Variants in MAMDC2 observed in about 807,000 individuals in gnomAD.
MAMDC2 encodes MAM domain containing 2.
A neutral mutation model predicts 89.8 loss-of-function variants in MAMDC2; 57 were observed. That is an observed-to-expected ratio of 0.63 (90% CI 0.51 to 0.79). The LOEUF is 0.79. MAMDC2 is among the 30% of genes least tolerant of loss of function. MAMDC2 has a pLI of 0.00. For missense variants in MAMDC2, 800 were observed against 820.6 expected (o/e 0.97, Z 0.31); for synonymous variants, 313 against 293.4 (o/e 1.07, Z -0.68).
intron 2 of MAMDC2, among the ~76,000 whole-genome samples, chr9:70,068,599 C>T (rs2118070044): frequency 6.6e-6 from 1 of 151,888 alleles, no homozygotes; most frequent in South Asian, 2.1e-4. Context: ...TGGTGGCAGG[C>T]ACCTGTAATC....
intron 2 of MAMDC2, among the ~76,000 whole-genome samples, chr9:70,061,236 AC>A (rs1827143387): frequency 6.6e-6 from 1 of 152,090 alleles, no homozygotes; most frequent in African/African-American, 2.4e-5. Context: ...TCACACAACC[AC>A]CCTCTGAGGT....
chr9:70,156,934 A>G (rs1053759021), intron 9 of MAMDC2, among the ~76,000 whole-genome samples: 4 of 152,198 alleles, frequency 2.6e-5, no homozygotes, highest in African/African-American at 9.6e-5. Flanking sequence ...TTGCTGACAC[A>G]TACTTTACAC....
At chr9:70,190,918 T>C (rs894163695) in intron 11 of MAMDC2, among the ~76,000 whole-genome samples, 1 of 152,168 alleles carries the variant, frequency 6.6e-6, no homozygotes, top group Admixed American at 6.6e-5. Flanking sequence ...ATGGGGCTTT[T>C]AGGGAGCTCC....
chr9:70,184,585 AT>A (rs996268844), intron 11 of MAMDC2, among the ~76,000 whole-genome samples: 3 of 149,244 alleles, frequency 2.0e-5, no homozygotes, highest in Non-Finnish European at 4.5e-5. Context: ...CATCTTTTTC[AT>A]TTTTTTTCTC....
chr9:70,210,167 T>C (rs897763476), intron 11 of MAMDC2, among the ~76,000 whole-genome samples: 8 of 152,320 alleles, frequency 5.3e-5, no homozygotes, highest in Admixed American at 1.3e-4. Flanking sequence ...GGTGCAGAGA[T>C]GAGTTCAATT....
chr9:70,149,232 A>T (rs2031509582), intron 9 of MAMDC2, among the ~76,000 whole-genome samples: 1 of 151,112 alleles, frequency 6.6e-6, no homozygotes, highest in Non-Finnish European at 1.5e-5. Context: ...AAAAGAAATT[A>T]TAAAGCTGTG....
intron 2 of MAMDC2, among the ~76,000 whole-genome samples, chr9:70,088,022 C>T (rs1382434478): frequency 6.6e-6 from 1 of 152,090 alleles, no homozygotes; most frequent in Non-Finnish European, 1.5e-5. Context: ...GTAGAAACAT[C>T]TAGAAGTCTT....
intron 11 of MAMDC2, 127 bp from the exon 12 acceptor site, chr9:70,218,210 T>C: frequency 9.6e-7 from 1 of 1,041,986 alleles, no homozygotes. Flanking sequence ...TTCTTCAAAA[T>C]TATAAAACCC....
At chr9:70,066,158 C>T (rs1381471414) in intron 2 of MAMDC2, among the ~76,000 whole-genome samples, 1 of 152,096 alleles carries the variant, frequency 6.6e-6, no homozygotes, top group African/African-American at 2.4e-5. Context: ...TCAGAAAGAC[C>T]TCTGTCACAG....
intron 2 of MAMDC2, among the ~76,000 whole-genome samples, chr9:70,063,762 A>G (rs1827202232): frequency 6.6e-6 from 1 of 152,156 alleles, no homozygotes; most frequent in Admixed American, 6.5e-5. Context: ...AATCTGTTGA[A>G]CAGATTACAA....
chr9:70,178,581 C>T (rs1394298928), intron 11 of MAMDC2, among the ~76,000 whole-genome samples: 1 of 152,180 alleles, frequency 6.6e-6, no homozygotes, highest in African/African-American at 2.4e-5. Flanking sequence ...AAAACATTCA[C>T]TTATTTGTTA....
At chr9:70,200,327 G>C (rs1196323823) in intron 11 of MAMDC2, among the ~76,000 whole-genome samples, 4 of 146,444 alleles carry the variant, frequency 2.7e-5, no homozygotes, top group African/African-American at 1.0e-4. Context: ...CCCATTGCTT[G>C]TTTTTCTCAG....
At chr9:70,140,121 T>G in intron 7 of MAMDC2, 24 bp from the exon 8 acceptor site, 1 of 1,543,110 alleles carries the variant, frequency 6.5e-7, no homozygotes, top group Non-Finnish European at 8.7e-7. Flanking sequence ...GGACTGTCAT[T>G]AACTTTGCTT....
intron 11 of MAMDC2, among the ~76,000 whole-genome samples, chr9:70,193,025 G>A (rs2032914074): frequency 6.6e-6 from 1 of 151,918 alleles, no homozygotes; most frequent in Admixed American, 6.6e-5. Context: ...GAGGGTGGGG[G>A]GTTCTTGCTA....
At chr9:70,171,074 G>A (rs753140016) in intron 11 of MAMDC2, 3 of 163,352 alleles carry the variant, frequency 1.8e-5, no homozygotes, top group Non-Finnish European at 2.6e-5. Flanking sequence ...CAGTCCACGT[G>A]GGTGGGCTAT....
At chr9:70,136,406 T>C (rs1385707300) in intron 7 of MAMDC2, among the ~76,000 whole-genome samples, 4 of 152,190 alleles carry the variant, frequency 2.6e-5, no homozygotes, top group Non-Finnish European at 1.5e-5. Flanking sequence ...TATTTAGTTG[T>C]CTGGATGTAC....
At chr9:70,214,321 T>C (rs1367478404) in intron 11 of MAMDC2, among the ~76,000 whole-genome samples, 2 of 152,128 alleles carry the variant, frequency 1.3e-5, no homozygotes, top group African/African-American at 4.8e-5. Flanking sequence ...GAGTGAGACC[T>C]GAGAATATCT....
rs1198746887 is a variant in MAMDC2, at chr9:70,108,251, G to T, written c.189G>T (p.Gly63=). ...IYVDTSFGKQ[G]EKAVLLSPDL... Reference sequence around the variant, plus strand: ...TGGATACCTCCTTTGGCAAGCAGGGGGAGAAAGCTGTGCTGCTAAGTCCTG... The same window carrying T: ...TGGATACCTCCTTTGGCAAGCAGGGTGAGAAAGCTGTGCTGCTAAGTCCTG... Residue 63 remains glycine, a synonymous_variant, in exon 3 of 14, where the codon GGG becomes GGT. Transcript: ENST00000377182. 5 of 1,611,786 alleles carry T rather than the reference G, an allele frequency of 3.1e-6. No homozygotes were observed. Among genetic ancestry groups the T allele is most frequent in the South Asian group, 1.1e-5 (1 of 90,514 alleles).
intron 2 of MAMDC2, among the ~76,000 whole-genome samples, chr9:70,051,055 G>T (rs1204831914): frequency 6.6e-6 from 1 of 152,176 alleles, no homozygotes; most frequent in Non-Finnish European, 1.5e-5. Context: ...TGGTGCTGGT[G>T]CCTTCTATGA....
Sources: gnomAD v4.1 joint callset for allele counts (sites outside exome capture counted in the v4.1 genomes callset) on GRCh38, gnomAD v4.1.1 for gene constraint, MANE v1.5 for transcripts, NCBI Gene and HGNC (gene_info 2026-07-23, HGNC 2026-07-21) for gene names.